HS6ST3: variants seen among roughly 807,000 people sequenced by gnomAD.
HS6ST3 encodes heparan sulfate 6-O-sulfotransferase 3.
In HS6ST3, 12 loss-of-function variants were observed where a neutral mutation model predicts 36.7. That is an observed-to-expected ratio of 0.33 (90% confidence interval 0.21 to 0.53). The LOEUF is 0.53. Ranked by LOEUF, HS6ST3 falls within the 20% of genes least tolerant of loss-of-function variation. HS6ST3 has a pLI of 0.95. For synonymous variants in HS6ST3, 240 were observed against 257.5 expected (o/e 0.93, Z 0.65); for missense variants, 584 against 640.9 (o/e 0.91, Z 0.96).
At chr13:96,668,528 A>G (rs954233750) in intron 1 of HS6ST3, among the ~76,000 whole-genome samples, 1 of 152,058 alleles carries the variant, frequency 6.6e-6, no homozygotes, top group Non-Finnish European at 1.5e-5. Context: ...CAAGGCAGGA[A>G]AACCTCACAG....
intron 1 of HS6ST3, among the ~76,000 whole-genome samples, chr13:96,231,886 A>ACTG (rs2054510272): frequency 6.6e-6 from 1 of 152,218 alleles, no homozygotes; most frequent in Non-Finnish European, 1.5e-5. Context: ...CTGACCAGTC[A>ACTG]TAAAGTGTAA....
chr13:96,541,013 C>T (rs1217778005), intron 1 of HS6ST3, among the ~76,000 whole-genome samples: 2 of 152,020 alleles, frequency 1.3e-5, no homozygotes, highest in Admixed American at 1.3e-4. Context: ...ATACTAGAGG[C>T]CATTTGTTTA....
chr13:96,720,276 C>A (rs1875810612), intron 1 of HS6ST3, among the ~76,000 whole-genome samples: 1 of 152,256 alleles, frequency 6.6e-6, no homozygotes, highest in East Asian at 1.9e-4. Context: ...AGACCATGAC[C>A]ATCTTCTTCT....
intron 1 of HS6ST3, among the ~76,000 whole-genome samples, chr13:96,112,675 G>A (rs1050135408): frequency 7.0e-6 from 1 of 143,810 alleles, no homozygotes; most frequent in Non-Finnish European, 1.5e-5. Context: ...GGCTGAGGCA[G>A]AAGGATCACT....
chr13:96,495,491 A>T (rs950162102), intron 1 of HS6ST3, among the ~76,000 whole-genome samples: 20 of 152,204 alleles, frequency 1.3e-4, no homozygotes, highest in Non-Finnish European at 1.6e-4. Flanking sequence ...AAGTGGAAAG[A>T]GTTGATGAGG....
intron 1 of HS6ST3, among the ~76,000 whole-genome samples, chr13:96,815,291 C>G (rs1005553696): frequency 8.5e-5 from 13 of 152,204 alleles, no homozygotes; most frequent in African/African-American, 2.7e-4. Flanking sequence ...ATATTTGTCT[C>G]TATGTCCACA....
At chr13:96,570,427 A>C (rs2056296883) in intron 1 of HS6ST3, among the ~76,000 whole-genome samples, 1 of 152,246 alleles carries the variant, frequency 6.6e-6, no homozygotes, top group Non-Finnish European at 1.5e-5. Flanking sequence ...ATCCCAGATT[A>C]ATGCGACATT....
chr13:96,387,039 G>A (rs915339599), intron 1 of HS6ST3, among the ~76,000 whole-genome samples: 3 of 152,014 alleles, frequency 2.0e-5, no homozygotes, highest in South Asian at 2.1e-4. Flanking sequence ...GGTGATCCTC[G>A]TGCTTCAGGT....
chr13:96,264,673 T>C (rs1310506262), intron 1 of HS6ST3, among the ~76,000 whole-genome samples: 1 of 152,164 alleles, frequency 6.6e-6, no homozygotes, highest in Non-Finnish European at 1.5e-5. Context: ...TTTTCCCAGT[T>C]TTATTTTACA....
chr13:96,136,409 A>G (rs1212202735), intron 1 of HS6ST3, among the ~76,000 whole-genome samples: 1 of 152,098 alleles, frequency 6.6e-6, no homozygotes, highest in Admixed American at 6.5e-5. Context: ...GAGCAGGAAC[A>G]GGCGTCTTAC....
chr13:96,543,814 T>C (rs1380873715), intron 1 of HS6ST3, among the ~76,000 whole-genome samples: 3 of 152,148 alleles, frequency 2.0e-5, no homozygotes, highest in Non-Finnish European at 2.9e-5. Flanking sequence ...ATGACAAATA[T>C]GTTTTAAAGC....
At chr13:96,616,730 T>C (rs2056475591) in intron 1 of HS6ST3, among the ~76,000 whole-genome samples, 3 of 152,224 alleles carry the variant, frequency 2.0e-5, no homozygotes, top group South Asian at 2.1e-4. Flanking sequence ...AGGTAACTTA[T>C]TAGACAGTTG....
chr13:96,454,678 A>G (rs1210686394), intron 1 of HS6ST3, among the ~76,000 whole-genome samples: 3 of 152,040 alleles, frequency 2.0e-5, no homozygotes, highest in East Asian at 1.9e-4. Flanking sequence ...CATTTGCATT[A>G]GAAAAGTCAG....
At chr13:96,372,709 G>A (rs991036346) in intron 1 of HS6ST3, among the ~76,000 whole-genome samples, 2 of 152,140 alleles carry the variant, frequency 1.3e-5, no homozygotes, top group African/African-American at 4.8e-5. Flanking sequence ...GTGAGATAAA[G>A]ATCCATTTTT....
At chr13:96,412,353 T>C (rs1293776934) in intron 1 of HS6ST3, among the ~76,000 whole-genome samples, 2 of 152,116 alleles carry the variant, frequency 1.3e-5, no homozygotes, top group Non-Finnish European at 2.9e-5. Flanking sequence ...GAAACTGTCT[T>C]TGGGGCCCAG....
intron 1 of HS6ST3, among the ~76,000 whole-genome samples, chr13:96,601,666 G>A (rs530335586): frequency 1.3e-5 from 2 of 151,906 alleles, no homozygotes; most frequent in Non-Finnish European, 2.9e-5. Context: ...TAATCTTTTG[G>A]GGGTGTTGCA....
intron 1 of HS6ST3, among the ~76,000 whole-genome samples, chr13:96,322,335 A>G (rs1480369059): frequency 1.3e-5 from 2 of 150,290 alleles, no homozygotes; most frequent in Non-Finnish European, 3.0e-5. Context: ...ACTTGAGCTC[A>G]TGAGTTTGAG....
intron 1 of HS6ST3, among the ~76,000 whole-genome samples, chr13:96,239,642 G>A (rs2054550921): frequency 6.6e-6 from 1 of 152,164 alleles, no homozygotes; most frequent in Admixed American, 6.5e-5. Flanking sequence ...CAATTACTGT[G>A]AGCATGCAGA....
chr13:96,184,527 G>T lies in HS6ST3; in HGVS notation c.707+92958G>T, dbSNP rs79907391. 3.4e-4 allele frequency among the ~76,000 whole-genome samples: 52 copies of T among 152,160 alleles called. 1 individual carries two copies. The East Asian group carries it at 9.9e-3, about 29-fold the overall frequency. ...ATTGCTCTCAGTCTCTACCACAGTGGCCCTAGGCCATGCGCTTTCCCCTGC... is the reference window on the plus strand; with the variant it reads ...ATTGCTCTCAGTCTCTACCACAGTGTCCCTAGGCCATGCGCTTTCCCCTGC... On this transcript the variant is annotated intron_variant, in intron 1 of 1. Coordinates refer to ENST00000376705, the MANE Select transcript of HS6ST3 (RefSeq NM_153456.4).
Sources: allele counts gnomAD v4.1 joint callset (sites outside exome capture counted in the v4.1 genomes callset), GRCh38; gene constraint gnomAD v4.1.1; transcripts MANE v1.5; gene names NCBI Gene and HGNC (gene_info 2026-07-23, HGNC 2026-07-21).